Variants in MECR observed in about 807,000 individuals in gnomAD.
The protein encoded by MECR is enoyl-[acyl-carrier-protein] reductase, mitochondrial.
In MECR, 37 loss-of-function variants were observed where a neutral mutation model predicts 49.1. The observed-to-expected ratio is 0.75, with a 90% CI of 0.58 to 0.99. The LOEUF is 0.99. Ranked by LOEUF, MECR falls within the 50% of genes least tolerant of loss-of-function variation. The probability of loss-of-function intolerance (pLI) is 0.00; values close to 1 mark genes in which losing one functional copy is unlikely to be tolerated. For synonymous variants in MECR, 198 were observed against 191.1 expected (o/e 1.04, Z -0.30); for missense variants, 470 against 479.6 (o/e 0.98, Z 0.19).
chr1:29,196,070 T>G, intron 8 of MECR, 57 bp from the exon 9 acceptor site: 1 of 1,599,544 alleles, frequency 6.3e-7, no homozygotes, highest in Middle Eastern at 1.7e-4. Flanking sequence ...AGGTACCGCT[T>G]AAGGGTACAG....
the MECR span, chr1:29,169,415 T>C: frequency 6.6e-6 from 1 of 152,206 alleles, no homozygotes; most frequent in Non-Finnish European, 1.5e-5. Flanking sequence ...GGAAGACAAA[T>C]GCCCACAGGA....
chr1:29,213,255 A>G (rs1678476981), intron 3 of MECR, among the ~76,000 whole-genome samples: 1 of 152,276 alleles, frequency 6.6e-6, no homozygotes, highest in Non-Finnish European at 1.5e-5. Context: ...CACTGGCATC[A>G]GGATCCAGTG....
chr1:29,206,678 A>T (rs1676655946), intron 4 of MECR, 84 bp downstream of exon 4: 2 of 1,512,722 alleles, frequency 1.3e-6, no homozygotes, highest in South Asian at 2.5e-5. Flanking sequence ...CCACCTTGCA[A>T]GTTCTCCTGG....
chr1:29,181,554 G>T, the MECR span: 1 of 1,143,088 alleles, frequency 8.7e-7, no homozygotes, highest in Non-Finnish European at 1.2e-6. Flanking sequence ...GCCGCTCCGC[G>T]CGGACCAGGC....
the MECR span, among the ~76,000 whole-genome samples, chr1:29,167,834 T>C: frequency 6.6e-6 from 1 of 152,216 alleles, no homozygotes; most frequent in South Asian, 2.1e-4. Context: ...TAATATTTCA[T>C]CCATTTGTAT....
In MECR at chr1:29,194,205, CAA is replaced by C. The variant is rs755077198; in HGVS notation, c.965-28_965-27del. On this transcript the variant is annotated intron_variant, in intron 9 of 9. Coordinates refer to ENST00000263702, the MANE Select transcript of MECR (RefSeq NM_016011.5). ...CTGCGGGAGGTTGGAGGAAATCAGA[CAA>C]GAGAACAGCAGCTGGGGCTTGGTGA... is the stretch of plus-strand genomic sequence containing the variant. 9.5e-6 allele frequency: 15 copies of C among 1,580,132 alleles called. No homozygotes were observed. In the African/African-American group the frequency reaches 1.2e-4, roughly 13 times the overall value.
downstream of MECR, among the ~76,000 whole-genome samples, chr1:29,188,423 C>G (rs1220758254): frequency 6.6e-5 from 10 of 151,944 alleles, no homozygotes; most frequent in Non-Finnish European, 1.5e-5. Context: ...AGGCTGGTCT[C>G]GAACTCCTGA....
rs1416138634 is a variant in MECR at position 29,194,042 on chromosome 1, T to C, written c.1102A>G (p.Lys368Glu). The C allele has an allele frequency of 2.5e-6, 4 of 1,614,022 alleles. No individual in the cohort carries two copies. The highest frequency in any genetic ancestry group is 1.3e-5 in the African/African-American group (1 of 74,938). ...EASMKPFISS[K>E]QILTM Reference sequence around the variant, plus strand: ...GATGATCACATGGTGAGAATCTGCTTTGAAGATATGAAGGGCTTCATGGAG... The same window carrying C: ...GATGATCACATGGTGAGAATCTGCTCTGAAGATATGAAGGGCTTCATGGAG... The change falls in exon 10 of 10, where the codon AAG becomes GAG. Residue 368 changes from lysine to glutamate, a missense_variant. By Grantham distance (56) the Lys-to-Glu change is moderately conservative. Coordinates refer to ENST00000263702, the MANE Select transcript of MECR (RefSeq NM_016011.5).
the MECR span, among the ~76,000 whole-genome samples, chr1:29,174,480 A>T: frequency 6.6e-6 from 1 of 152,146 alleles, no homozygotes; most frequent in Non-Finnish European, 1.5e-5. Flanking sequence ...CCATTAAATA[A>T]CATATGTATG....
At position 29,206,927 on chromosome 1, in the gene MECR, G is replaced by A. The variant is rs549621807; in HGVS notation, c.407-22C>T. ...GTTCCTGAGTCAGAAGATGAAGCCA[G>A]GATCATAAGGAAGGAGCCCTGTGCA... On this transcript the variant is annotated intron_variant, in intron 3 of 9. Coordinates refer to ENST00000263702, the MANE Select transcript of MECR (RefSeq NM_016011.5). 3.7e-6 allele frequency: 6 copies of A among 1,613,356 alleles called. No individual in the cohort carries two copies. In the Admixed American group the frequency reaches 6.7e-5, roughly 18 times the overall value.
chr1:29,201,358 G>A lies in MECR; in HGVS notation c.756+585C>T, dbSNP rs760827495. 5.7e-6 allele frequency: 3 copies of A among 530,200 alleles called. No homozygotes were observed. The highest frequency in any genetic ancestry group is 2.8e-5 in the South Asian group (2 of 70,794). The allele number at this position is 530,200 out of a possible 1,614,324, so 32.8% of individuals were successfully genotyped here. A position where few individuals can be genotyped will look rare whatever the true frequency, so the allele number is the denominator to read the frequency against. On this transcript the variant is annotated intron_variant, in intron 6 of 9. Coordinates refer to ENST00000263702, the MANE Select transcript of MECR (RefSeq NM_016011.5). This position sits in a 1 kb window ranked among gnomAD's most constrained non-coding sequence, Gnocchi z 4.3. ...AGATGGTTCAGTGAAAAGGGGCTGAGGGTCTGGTCACTTACTAGGCATGTT... is the reference window on the plus strand; with the variant it reads ...AGATGGTTCAGTGAAAAGGGGCTGAAGGTCTGGTCACTTACTAGGCATGTT...
intron 6 of MECR, 33 bp from the exon 7 acceptor site, chr1:29,200,622 T>A (rs1413420662): frequency 6.3e-7 from 1 of 1,597,728 alleles, no homozygotes; most frequent in Admixed American, 1.7e-5. Flanking sequence ...TGAGGGAGCA[T>A]CCCCGCTCTA....
At chr1:29,183,567 C>A in the MECR span, among the ~76,000 whole-genome samples, 1 of 152,276 alleles carries the variant, frequency 6.6e-6, no homozygotes, top group East Asian at 1.9e-4. Flanking sequence ...AATGTTATCT[C>A]CAAGTGGTTT....
chr1:29,172,143 T>C, the MECR span: 2 of 152,112 alleles, frequency 1.3e-5, no homozygotes, highest in Admixed American at 6.6e-5. Context: ...AAAGTGACTT[T>C]TAATAAAAAA....
chr1:29,230,896 C>A lies in MECR; in HGVS notation c.11G>T (p.Cys4Phe), dbSNP rs1683274835. 3.1e-6 allele frequency: 5 copies of A among 1,605,244 alleles called. No individual in the cohort carries two copies. In the South Asian group the frequency reaches 5.5e-5, roughly 18 times the overall value. MWV[C>F]STLWRVRTPA... is the part of the protein sequence containing the mutation. ...GGTTCGCACCCGCCACAGGGTACTG[C>A]AGACCCACATGCTCGCTCCAACCAA... The change falls in exon 1 of 10, where the codon TGC (cysteine) becomes TTC (phenylalanine). Residue 4 changes from cysteine to phenylalanine, a missense_variant. Cys to Phe is a radical substitution (Grantham distance 205). Coordinates refer to ENST00000263702, the MANE Select transcript of MECR (RefSeq NM_016011.5).
intron 1 of MECR, among the ~76,000 whole-genome samples, chr1:29,227,056 T>C (rs1321320388): frequency 6.7e-6 from 1 of 148,344 alleles, no homozygotes; most frequent in Non-Finnish European, 1.5e-5. Context: ...CTCTGCCTCC[T>C]GGGTTCAAGC....
Position 29,216,078 on chromosome 1 carries a change from C to T in MECR, c.333G>A (p.Gln111=). 1.2e-6 allele frequency: 2 copies of T among 1,614,112 alleles called. No homozygotes were observed. The highest frequency in any genetic ancestry group is 1.7e-6 in the Non-Finnish European group (2 of 1,179,976). The change falls in exon 3 of 10, where the codon CAG becomes CAA. Residue 111 remains glutamine (Q), a synonymous_variant. Coordinates refer to ENST00000263702, the MANE Select transcript of MECR (RefSeq NM_016011.5). Reference sequence around the variant, plus strand: ...TCACATTGCTGCCCACCGCTACCACCTGTGCAACACCTTCGTTCCCTCCAA... The same window carrying T: ...TCACATTGCTGCCCACCGCTACCACTTGTGCAACACCTTCGTTCCCTCCAA... ...PAVGGNEGVA[Q]VVAVGSNVTG...
intron 3 of MECR, 74 bp from the exon 4 acceptor site, chr1:29,206,979 G>A (rs1676756903): frequency 4.5e-6 from 7 of 1,551,842 alleles, no homozygotes; most frequent in Admixed American, 3.4e-5. Context: ...ACCCTCCTTG[G>A]CCAAGAAGCA....
the MECR span, among the ~76,000 whole-genome samples, chr1:29,180,820 G>C: frequency 5.7e-3 from 866 of 152,290 alleles, 9 homozygotes; most frequent in African/African-American, 0.019. Flanking sequence ...AGTAGATTAA[G>C]AATACAAGTA....
Sources: gnomAD v4.1 joint callset for allele counts (sites outside exome capture counted in the v4.1 genomes callset) on GRCh38, gnomAD v4.1.1 for gene constraint, Gnocchi (gnomAD v3.1) non-coding constraint, MANE v1.5 for transcripts, NCBI Gene and HGNC (gene_info 2026-07-23, HGNC 2026-07-21) for gene names.